BTBD9: variants seen among roughly 807,000 people sequenced by gnomAD.
BTBD9 encodes BTB/POZ domain-containing protein 9.
BTBD9 carries 49 observed loss-of-function variants against 64.3 expected under a neutral mutation model. The observed-to-expected ratio is 0.76, with a 90% CI of 0.61 to 0.97. The LOEUF (loss-of-function observed/expected upper bound fraction) is 0.97. Among genes scored for constraint, BTBD9 ranks in the 50% least tolerant of loss-of-function variants. The pLI, the probability that BTBD9 is intolerant of heterozygous loss-of-function variation, is 0.00. For synonymous variants in BTBD9, 260 were observed against 274.7 expected (o/e 0.95, Z 0.53); for missense variants, 598 against 762.1 (o/e 0.78, Z 2.53).
intron 8 of BTBD9, among the ~76,000 whole-genome samples, chr6:38,271,082 G>A (rs1765182482): frequency 6.6e-6 from 1 of 152,068 alleles, no homozygotes; most frequent in Non-Finnish European, 1.5e-5. Flanking sequence ...ATTATAAAGA[G>A]GCATTATACA....
intron 6 of BTBD9, among the ~76,000 whole-genome samples, chr6:38,517,582 C>T (rs1489375762): frequency 6.6e-6 from 1 of 152,168 alleles, no homozygotes; most frequent in Non-Finnish European, 1.5e-5. Flanking sequence ...ATAGCCTGGT[C>T]ATACAGAGGA....
chr6:38,504,628 T>C (rs890912165), intron 6 of BTBD9: 18 of 455,316 alleles, frequency 4.0e-5, no homozygotes, highest in African/African-American at 3.0e-4. Flanking sequence ...TTTAAAATTA[T>C]ATAAAATACA....
chr6:38,575,401 G>A (rs775511429), intron 6 of BTBD9, among the ~76,000 whole-genome samples: 6 of 152,202 alleles, frequency 3.9e-5, no homozygotes, highest in Admixed American at 6.5e-5. Context: ...AGATAAACAC[G>A]CAAAGGACAC....
intron 6 of BTBD9, among the ~76,000 whole-genome samples, chr6:38,349,520 T>C (rs559016874): frequency 1.3e-5 from 2 of 152,284 alleles, no homozygotes; most frequent in East Asian, 1.9e-4. Flanking sequence ...CTTTTCACAG[T>C]ATATTGTTAT....
At chr6:38,458,965 C>T (rs1479288844) in intron 6 of BTBD9, among the ~76,000 whole-genome samples, 1 of 152,118 alleles carries the variant, frequency 6.6e-6, no homozygotes, top group African/African-American at 2.4e-5. Flanking sequence ...TTCAAAGATG[C>T]CAGGCAAAGC....
At position 38,320,791 on chromosome 6, in the gene BTBD9, C is replaced by T. The variant is rs183512042; in HGVS notation, c.1264+24193G>A. On this transcript the variant is annotated intron_variant, in intron 7 of 10. Coordinates refer to ENST00000481247, the MANE Select transcript of BTBD9 (RefSeq NM_001099272.2). ...CCCAGACACAGAAAGCCAGATTTTTCCCCATGTGGAATGGGTAGGTGGGAC... is the reference window on the plus strand; with the variant it reads ...CCCAGACACAGAAAGCCAGATTTTTTCCCATGTGGAATGGGTAGGTGGGAC... 2.5e-3 allele frequency among the ~76,000 whole-genome samples: 374 copies of T among 152,270 alleles called. 2 individuals are homozygous for T. Among genetic ancestry groups the T allele is most frequent in the South Asian group, 0.012 (58 of 4,824 alleles).
chr6:38,193,284 C>T (rs1231157194), intron 9 of BTBD9, among the ~76,000 whole-genome samples: 1 of 152,140 alleles, frequency 6.6e-6, no homozygotes, highest in African/African-American at 2.4e-5. Flanking sequence ...AGGAGGGCTG[C>T]AGAGGTCAGC....
chr6:38,321,734 A>T (rs1763240172), intron 7 of BTBD9, among the ~76,000 whole-genome samples: 1 of 152,056 alleles, frequency 6.6e-6, no homozygotes, highest in East Asian at 1.9e-4. Flanking sequence ...AAGTTGCACA[A>T]CACTCCTCTA....
At chr6:38,357,732 C>T (rs1273505854) in intron 6 of BTBD9, among the ~76,000 whole-genome samples, 1 of 152,026 alleles carries the variant, frequency 6.6e-6, no homozygotes, top group Non-Finnish European at 1.5e-5. Flanking sequence ...AGACGATAAC[C>T]ATTTCTCTTC....
intron 1 of BTBD9, among the ~76,000 whole-genome samples, chr6:38,625,866 G>A (rs1279313969): frequency 1.3e-5 from 2 of 152,176 alleles, no homozygotes; most frequent in Non-Finnish European, 2.9e-5. Context: ...GAAGGACATA[G>A]TACAGTGCTT....
chr6:38,281,555 T>C (rs1761514463), intron 8 of BTBD9, among the ~76,000 whole-genome samples: 3 of 152,212 alleles, frequency 2.0e-5, no homozygotes, highest in African/African-American at 7.2e-5. Context: ...TTTAAAGTGG[T>C]AGAATTGTTT....
Position 38,174,572 on chromosome 6 carries a change from A to G in BTBD9, c.*413T>C, listed in dbSNP as rs1465564042. On this transcript the variant is annotated 3_prime_UTR_variant, in exon 11 of 11. Transcript: ENST00000481247. Reference sequence around the variant, plus strand: ...TTCCAGCAGAATGAACACTCTATGGAGGCCCATTCCTAAAGGGTGCCTCCA... The same window carrying G: ...TTCCAGCAGAATGAACACTCTATGGGGGCCCATTCCTAAAGGGTGCCTCCA... 2 of 189,748 alleles carry G rather than the reference A, an allele frequency of 1.1e-5. No individual in the cohort carries two copies. Among genetic ancestry groups the G allele is most frequent in the Admixed American group, 5.8e-5 (1 of 17,190 alleles). 11.8% of individuals were successfully genotyped at this position (189,748 alleles called of 1,614,324 possible).
intron 10 of BTBD9, among the ~76,000 whole-genome samples, chr6:38,177,577 C>T (rs1028871682): frequency 6.6e-6 from 1 of 152,228 alleles, no homozygotes; most frequent in East Asian, 1.9e-4. Context: ...TCTTCACAGC[C>T]GGCCTCTCAC....
At chr6:38,452,603 T>C (rs1489051182) in intron 6 of BTBD9, among the ~76,000 whole-genome samples, 1 of 151,672 alleles carries the variant, frequency 6.6e-6, no homozygotes. Context: ...AGAGAAATTA[T>C]GAGAGATGAA....
chr6:38,479,874 G>A (rs1028630429), intron 6 of BTBD9, among the ~76,000 whole-genome samples: 2 of 152,056 alleles, frequency 1.3e-5, no homozygotes, highest in African/African-American at 2.4e-5. Context: ...GACTACAGGT[G>A]TGCACCACCA....
At chr6:38,632,718 G>T (rs192769283) in intron 1 of BTBD9, among the ~76,000 whole-genome samples, 97 of 152,240 alleles carry the variant, frequency 6.4e-4, no homozygotes, top group African/African-American at 1.8e-3. Flanking sequence ...GATCCCTTGA[G>T]CCCAGGAGTT....
intron 9 of BTBD9, among the ~76,000 whole-genome samples, chr6:38,198,044 A>G (rs1195184355): frequency 6.6e-6 from 1 of 152,242 alleles, no homozygotes; most frequent in Non-Finnish European, 1.5e-5. Context: ...AAAGACTTGA[A>G]GTATATGCAA....
chr6:38,407,060 T>C (rs1767204028), intron 6 of BTBD9, among the ~76,000 whole-genome samples: 1 of 152,196 alleles, frequency 6.6e-6, no homozygotes, highest in Non-Finnish European at 1.5e-5. Context: ...GAGGCAGAAA[T>C]GGGAGTGAAC....
chr6:38,593,909 T>C, intron 3 of BTBD9, 55 bp downstream of exon 3: 2 of 1,405,268 alleles, frequency 1.4e-6, no homozygotes, highest in Non-Finnish European at 2.0e-6. Context: ...TTCTACAGTA[T>C]AGGTATAAAT....
Sources: gnomAD v4.1 joint callset for allele counts (sites outside exome capture counted in the v4.1 genomes callset) on GRCh38, gnomAD v4.1.1 for gene constraint, MANE v1.5 for transcripts, NCBI Gene and HGNC (gene_info 2026-07-23, HGNC 2026-07-21) for gene names.